The following AKAP7 variants were observed in gnomAD, a reference collection of about 807,000 sequenced individuals.
AKAP7 encodes A kinase (PRKA) anchor protein 7.
In AKAP7, 39 loss-of-function variants were observed where a neutral mutation model predicts 39.5. The ratio of observed to expected loss-of-function variants is 0.99; its 90% CI spans 0.76 to 1.29. AKAP7 has a LOEUF of 1.29. AKAP7 is among the 50% of genes most tolerant of loss of function. The pLI is 0.00. For synonymous variants in AKAP7, 140 were observed against 139.1 expected (o/e 1.01, Z -0.05); for missense variants, 414 against 407.7 (o/e 1.02, Z -0.13).
chr6:131,265,938 T>C (rs960220630), intron 7 of AKAP7, among the ~76,000 whole-genome samples: 2 of 152,170 alleles, frequency 1.3e-5, no homozygotes, highest in African/African-American at 4.8e-5. Context: ...AATATAATTG[T>C]CACAACTAAG....
chr6:131,139,560 A>G (rs1441229447), intron 1 of AKAP7, among the ~76,000 whole-genome samples: 1 of 152,208 alleles, frequency 6.6e-6, no homozygotes, highest in Non-Finnish European at 1.5e-5. Flanking sequence ...GCCACTAAAT[A>G]CCAGGAATTA....
chr6:131,144,510 G>C (rs954507546), intron 1 of AKAP7, among the ~76,000 whole-genome samples: 1 of 152,196 alleles, frequency 6.6e-6, no homozygotes, highest in African/African-American at 2.4e-5. Context: ...AGTTCGGACA[G>C]CATTTGTGTC....
chr6:131,211,199 GC>G (rs1446118124), intron 6 of AKAP7, among the ~76,000 whole-genome samples: 6 of 152,136 alleles, frequency 3.9e-5, no homozygotes, highest in Admixed American at 3.9e-4. Context: ...AGGGGAATAT[GC>G]CAGTGTATAT....
intron 3 of AKAP7, 77 bp from the exon 4 acceptor site, chr6:131,165,004 A>G: frequency 8.4e-7 from 1 of 1,192,118 alleles, no homozygotes; most frequent in Non-Finnish European, 1.1e-6. Context: ...TTTCTTCTTG[A>G]TTTTACATTT....
chr6:131,186,657 C>T (rs1269685968), intron 5 of AKAP7, among the ~76,000 whole-genome samples: 1 of 152,218 alleles, frequency 6.6e-6, no homozygotes, highest in Non-Finnish European at 1.5e-5. Flanking sequence ...CTCTGCTTCA[C>T]AGATGACACC....
At chr6:131,266,200 C>T (rs888906429) in intron 7 of AKAP7, among the ~76,000 whole-genome samples, 51 of 152,142 alleles carry the variant, frequency 3.4e-4, no homozygotes, top group Middle Eastern at 3.2e-3. Flanking sequence ...GCCTCGGTTC[C>T]CTGCTTTCCA....
chr6:131,216,030 T>C (rs1040810252), intron 6 of AKAP7, among the ~76,000 whole-genome samples: 9 of 152,246 alleles, frequency 5.9e-5, no homozygotes, highest in Admixed American at 6.5e-5. Flanking sequence ...TTGTCTTATA[T>C]GAAGCCTGTT....
chr6:131,268,287 G>A (rs902164022), intron 7 of AKAP7, among the ~76,000 whole-genome samples: 8 of 152,152 alleles, frequency 5.3e-5, no homozygotes, highest in Non-Finnish European at 8.8e-5. Context: ...CTAATTCGTA[G>A]TGAGGGAATT....
At chr6:131,266,295 T>A (rs1290508507) in intron 7 of AKAP7, among the ~76,000 whole-genome samples, 1 of 152,224 alleles carries the variant, frequency 6.6e-6, no homozygotes, top group Non-Finnish European at 1.5e-5. Flanking sequence ...CTAGTACACA[T>A]GCACTTGTTC....
At chr6:131,152,068 A>G (rs867791706) in intron 2 of AKAP7, among the ~76,000 whole-genome samples, 4 of 151,306 alleles carry the variant, frequency 2.6e-5, no homozygotes, top group Middle Eastern at 3.4e-3. Flanking sequence ...TACACGAATC[A>G]GAGAGTTACA....
chr6:131,185,082 C>A lies in AKAP7; in HGVS notation c.590-14379C>A, dbSNP rs191896506. ...CTTGCCCAGGCTGTCATCATCAACT[C>A]GGGGATCTGGGGTACCTCGCTTCCC... On this transcript the variant is annotated intron_variant, in intron 5 of 7. Transcript: ENST00000431975. The A allele has an allele frequency of 5.8e-6, 4 of 689,188 alleles. No individual in the cohort carries two copies. In the Admixed American group the frequency reaches 7.2e-5, roughly 12 times the overall value. 42.7% of individuals were successfully genotyped at this position (689,188 alleles called of 1,614,324 possible).
At chr6:131,274,329 T>C (rs1473018460) in intron 7 of AKAP7, among the ~76,000 whole-genome samples, 2 of 152,198 alleles carry the variant, frequency 1.3e-5, no homozygotes, top group Non-Finnish European at 2.9e-5. Flanking sequence ...TTGGCCATTA[T>C]TTCTGCATTC....
chr6:131,189,563 TAAC>T (rs1423114450), intron 5 of AKAP7, among the ~76,000 whole-genome samples: 8 of 152,202 alleles, frequency 5.3e-5, no homozygotes, highest in Non-Finnish European at 1.0e-4. Flanking sequence ...AGACAACTTT[TAAC>T]AACTTCTTTG....
intron 5 of AKAP7, among the ~76,000 whole-genome samples, chr6:131,182,964 A>C (rs563029022): frequency 6.6e-6 from 1 of 152,342 alleles, no homozygotes; most frequent in Admixed American, 6.5e-5. Context: ...AGTTCAACAA[A>C]AAAAATTTAA....
At chr6:131,129,555 T>C in the AKAP7 span, among the ~76,000 whole-genome samples, 37 of 152,328 alleles carry the variant, frequency 2.4e-4, no homozygotes, top group African/African-American at 8.4e-4. Context: ...AAACAACATG[T>C]TACTTACATA....
At chr6:131,172,148 T>G (rs1246638033) in intron 5 of AKAP7, among the ~76,000 whole-genome samples, 2 of 152,166 alleles carry the variant, frequency 1.3e-5, no homozygotes, top group Non-Finnish European at 2.9e-5. Flanking sequence ...AGGAGAAACT[T>G]ATAGCTTCAG....
chr6:131,245,239 AAT>A (rs1358352629), intron 7 of AKAP7, among the ~76,000 whole-genome samples: 12 of 150,854 alleles, frequency 8.0e-5, no homozygotes, highest in Non-Finnish European at 1.5e-5. Flanking sequence ...TTGAGAGTTG[AAT>A]TCTTTTTTTT....
At chr6:131,209,547 G>A (rs766736911) in intron 6 of AKAP7, among the ~76,000 whole-genome samples, 7 of 152,092 alleles carry the variant, frequency 4.6e-5, no homozygotes, top group Admixed American at 1.3e-4. Flanking sequence ...ACCACACCCA[G>A]CCCGATAAAC....
At chr6:131,166,224 G>A (rs2128241861) in intron 4 of AKAP7, among the ~76,000 whole-genome samples, 1 of 152,262 alleles carries the variant, frequency 6.6e-6, no homozygotes, top group South Asian at 2.1e-4. Context: ...GAGGAGGGGA[G>A]ATTTTACTTG....
Sources: gnomAD v4.1 joint callset for allele counts (sites outside exome capture counted in the v4.1 genomes callset) on GRCh38, gnomAD v4.1.1 for gene constraint, MANE v1.5 for transcripts, NCBI Gene and HGNC (gene_info 2026-07-23, HGNC 2026-07-21) for gene names.